The following SLC25A13 variants were observed in gnomAD, a reference collection of about 807,000 sequenced individuals.
SLC25A13 encodes the protein electrogenic aspartate/glutamate antiporter SLC25A13, mitochondrial.
In SLC25A13, 70 loss-of-function variants were observed where a neutral mutation model predicts 85.5. The ratio of observed to expected loss-of-function variants is 0.82; its 90% CI spans 0.68 to 1.00. The LOEUF (loss-of-function observed/expected upper bound fraction) is 1.00, where lower values mean the gene tolerates loss of function less well. Among genes scored for constraint, SLC25A13 ranks in the 50% least tolerant of loss-of-function variants. SLC25A13 has a pLI of 0.00. For missense variants in SLC25A13, 765 were observed against 819.8 expected, an observed-to-expected ratio of 0.93 and a Z score of 0.82; for synonymous variants, 259 against 288.7, an observed-to-expected ratio of 0.90 and a Z score of 1.04.
intron 4 of SLC25A13, among the ~76,000 whole-genome samples, chr7:96,230,631 A>G (rs991713660): frequency 6.6e-6 from 1 of 152,202 alleles, no homozygotes; most frequent in Non-Finnish European, 1.5e-5. Context: ...AGATACTTAT[A>G]AACAGAAGTA....
chr7:96,308,366 G>A (rs574234209), intron 1 of SLC25A13, among the ~76,000 whole-genome samples: 1 of 152,304 alleles, frequency 6.6e-6, no homozygotes, highest in African/African-American at 2.4e-5. Flanking sequence ...ACCCCTGTGG[G>A]GAGGTGATCT....
intron 13 of SLC25A13, among the ~76,000 whole-genome samples, chr7:96,146,904 G>A (rs1028250293): frequency 1.3e-5 from 2 of 152,204 alleles, no homozygotes; most frequent in African/African-American, 2.4e-5. Flanking sequence ...TGTCCTTAAT[G>A]TGGAGGCTGA....
intron 1 of SLC25A13, among the ~76,000 whole-genome samples, chr7:96,315,496 C>G (rs1325896067): frequency 1.3e-5 from 2 of 152,096 alleles, no homozygotes; most frequent in Non-Finnish European, 2.9e-5. Context: ...GAATTTGGAC[C>G]AATAACAAAT....
intron 1 of SLC25A13, among the ~76,000 whole-genome samples, chr7:96,319,764 T>G (rs959146191): frequency 6.6e-6 from 1 of 152,170 alleles, no homozygotes; most frequent in African/African-American, 2.4e-5. Flanking sequence ...ATATATCTTA[T>G]TGGATTGCAA....
intron 5 of SLC25A13, among the ~76,000 whole-genome samples, chr7:96,201,560 C>A: frequency 1.3e-5 from 2 of 149,756 alleles, no homozygotes; most frequent in Admixed American, 6.7e-5. Context: ...CTAATACAAA[C>A]AAGACAAGTT....
At chr7:96,233,499 C>A (rs1036183074) in intron 4 of SLC25A13, among the ~76,000 whole-genome samples, 1 of 152,104 alleles carries the variant, frequency 6.6e-6, no homozygotes, top group Admixed American at 6.5e-5. Flanking sequence ...TTCTAGAAAC[C>A]GGGCAAGTAT....
rs560137794 is a variant in SLC25A13 at position 96,215,892 on chromosome 7, C to T, written c.329-6915G>A. Among the ~76,000 whole-genome samples the T allele has an allele frequency of 2.7e-4, 41 of 152,162 alleles. No homozygotes were observed. The East Asian group carries it at 7.0e-3, about 26-fold the overall frequency. On this transcript the variant is annotated intron_variant, in intron 4 of 17. Coordinates refer to ENST00000265631, the MANE Select transcript of SLC25A13 (RefSeq NM_014251.3). ...TAAAATGGCCAGGCACGGTGGCTCA[C>T]GCCTGTAATCCCAGCACTTTGGGAG...
intron 4 of SLC25A13, among the ~76,000 whole-genome samples, chr7:96,212,154 T>A (rs906838113): frequency 5.3e-5 from 8 of 152,208 alleles, no homozygotes; most frequent in African/African-American, 1.9e-4. Context: ...TGGCATTCAC[T>A]TCATGGTCCA....
At position 96,121,193 on chromosome 7, in the gene SLC25A13, A is replaced by G. The variant is rs759865234; in HGVS notation, c.2026T>C (p.Ter676GlnextTer16). The G allele has an allele frequency of 6.2e-6, 10 of 1,614,108 alleles. No homozygotes were observed. Among genetic ancestry groups the G allele is most frequent in the Admixed American group, 1.7e-5 (1 of 60,018 alleles). ...GCACTATCCCAGGGCTGATCTTCCT[A>G]TGGGCCTCCACCAATAGCCTTTGAG... The part of the protein sequence containing the change: ...STSKAIGGGP[*>Q] Residue 676 changes from the stop codon to glutamine (Q), a stop_lost, in exon 18 of 18, where the codon TAG becomes CAG. Transcript: ENST00000265631.
At chr7:96,173,354 G>A (rs1371999016) in intron 11 of SLC25A13, among the ~76,000 whole-genome samples, 1 of 152,250 alleles carries the variant, frequency 6.6e-6, no homozygotes, top group African/African-American at 2.4e-5. Context: ...GGCATAGAGA[G>A]ATAAAGTAAT....
intron 13 of SLC25A13, among the ~76,000 whole-genome samples, chr7:96,154,171 G>A (rs1036818953): frequency 5.3e-5 from 8 of 152,074 alleles, no homozygotes; most frequent in Non-Finnish European, 7.4e-5. Flanking sequence ...AAATCGTGTA[G>A]AGGATCTTAT....
At chr7:96,249,114 T>C (rs1198401435) in intron 3 of SLC25A13, among the ~76,000 whole-genome samples, 2 of 152,212 alleles carry the variant, frequency 1.3e-5, no homozygotes, top group Non-Finnish European at 2.9e-5. Flanking sequence ...GAGACCAGCC[T>C]GGGCAACGGA....
chr7:96,296,217 T>G (rs1040836813), intron 2 of SLC25A13, among the ~76,000 whole-genome samples: 1 of 152,148 alleles, frequency 6.6e-6, no homozygotes, highest in Admixed American at 6.6e-5. Flanking sequence ...GGAGAGACAG[T>G]ATAGTCCCAT....
chr7:96,222,110 C>T (rs2116765293), intron 4 of SLC25A13, among the ~76,000 whole-genome samples: 1 of 152,324 alleles, frequency 6.6e-6, no homozygotes, highest in Non-Finnish European at 1.5e-5. Flanking sequence ...AAGTTCCAGG[C>T]TTTATGATTC....
chr7:96,213,835 T>C (rs1298609819), intron 4 of SLC25A13, among the ~76,000 whole-genome samples: 6 of 152,246 alleles, frequency 3.9e-5, no homozygotes, highest in African/African-American at 1.2e-4. Context: ...AAAATGTGCA[T>C]GTAGCACTAG....
intron 15 of SLC25A13, among the ~76,000 whole-genome samples, chr7:96,128,939 G>GCTCTCTCT (rs58984088): frequency 0.18 from 14,937 of 81,604 alleles, 2,891 homozygotes; most frequent in East Asian, 0.27. Context: ...TGCCTTGCTT[G>GCTCTCTCT]CTCTCTCTCT....
At chr7:96,220,637 A>G (rs1052907587) in intron 4 of SLC25A13, among the ~76,000 whole-genome samples, 1 of 152,194 alleles carries the variant, frequency 6.6e-6, no homozygotes, top group African/African-American at 2.4e-5. Flanking sequence ...AATAAGCAGT[A>G]CAGTTAGTTT....
At chr7:96,260,799 A>C (rs1407389788) in intron 3 of SLC25A13, among the ~76,000 whole-genome samples, 1 of 152,084 alleles carries the variant, frequency 6.6e-6, no homozygotes, top group African/African-American at 2.4e-5. Context: ...TTACTGCAGC[A>C]CAGTCCTAAT....
chr7:96,157,643 A>C (rs1382893006), intron 13 of SLC25A13, among the ~76,000 whole-genome samples: 1 of 152,002 alleles, frequency 6.6e-6, no homozygotes. Context: ...CTCTCTACTA[A>C]AAATACAAAA....
Sources: gnomAD v4.1 joint callset for allele counts (sites outside exome capture counted in the v4.1 genomes callset) on GRCh38, gnomAD v4.1.1 for gene constraint, MANE v1.5 for transcripts, NCBI Gene and HGNC (gene_info 2026-07-23, HGNC 2026-07-21) for gene names.